GALM: variants seen among roughly 807,000 people sequenced by gnomAD.
The protein encoded by GALM is aldose 1-epimerase.
A neutral mutation model predicts 37.4 loss-of-function variants in GALM; 43 were observed. The observed-to-expected ratio is 1.15, with a 90% CI of 0.90 to 1.48. The LOEUF is 1.48. Among genes scored for constraint, GALM ranks in the 40% most tolerant of loss-of-function variants. GALM has a pLI of 0.00. For synonymous variants in GALM, 199 were observed against 170.6 expected (o/e 1.17, Z -1.30); for missense variants, 456 against 419.1 (o/e 1.09, Z -0.77).
intron 1 of GALM, among the ~76,000 whole-genome samples, chr2:38,672,000 A>G (rs927436514): frequency 6.6e-6 from 1 of 151,786 alleles, no homozygotes; most frequent in African/African-American, 2.4e-5. Context: ...AAACAAAAAC[A>G]AAAACAAAAA....
Position 38,695,108 on chromosome 2 carries a change from G to GA in GALM, c.634+5219dup, listed in dbSNP as rs543095953. The stretch of plus-strand genomic sequence containing the variant: ...TTGGTCATCTCTGTTGAAAATGATA[G>GA]AAAAATCACCTTCGGTAGAAAATTT... On this transcript the variant is annotated intron_variant, in intron 4 of 6. Transcript: ENST00000272252. Among the ~76,000 whole-genome samples, 90 of 151,976 alleles carry GA rather than the reference G, an allele frequency of 5.9e-4. 1 individual carries two copies. The South Asian group carries it at 0.017, about 30-fold the overall frequency.
intron 2 of GALM, chr2:38,679,993 C>A: frequency 2.2e-6 from 1 of 450,412 alleles, no homozygotes; most frequent in Non-Finnish European, 4.4e-6. Flanking sequence ...ATTCCTATTT[C>A]CAAAAGCAAA....
At chr2:38,681,527 G>C in intron 3 of GALM, 41 bp downstream of exon 3, 1 of 1,503,054 alleles carries the variant, frequency 6.7e-7, no homozygotes, top group South Asian at 1.1e-5. Context: ...CGTGCTTTGT[G>C]GAATGTCCTG....
intron 4 of GALM, among the ~76,000 whole-genome samples, chr2:38,727,052 C>CA (rs975075614): frequency 1.3e-5 from 2 of 151,736 alleles, no homozygotes; most frequent in Admixed American, 1.3e-4. Flanking sequence ...CCCGTCTCTA[C>CA]AAAAAATACA....
intron 4 of GALM, among the ~76,000 whole-genome samples, chr2:38,711,835 A>G (rs1467446446): frequency 7.9e-6 from 1 of 126,784 alleles, no homozygotes; most frequent in Non-Finnish European, 1.9e-5. Flanking sequence ...CACCACCATC[A>G]TCACCATCAT....
intron 4 of GALM, among the ~76,000 whole-genome samples, chr2:38,713,150 A>T (rs540672156): frequency 9.9e-5 from 15 of 152,276 alleles, no homozygotes; most frequent in African/African-American, 3.1e-4. Flanking sequence ...GGGCTCCCTA[A>T]TCACACCATT....
intron 1 of GALM, among the ~76,000 whole-genome samples, chr2:38,667,138 A>T (rs1432980092): frequency 6.6e-6 from 1 of 152,180 alleles, no homozygotes; most frequent in African/African-American, 2.4e-5. Context: ...AGCAAAGGAA[A>T]ATGTACATCA....
At chr2:38,694,629 G>T (rs1665757516) in intron 4 of GALM, among the ~76,000 whole-genome samples, 1 of 152,150 alleles carries the variant, frequency 6.6e-6, no homozygotes, top group South Asian at 2.1e-4. Flanking sequence ...GGGCGCAGTG[G>T]CTCAAGCCTG....
intron 4 of GALM, among the ~76,000 whole-genome samples, chr2:38,709,518 AG>A (rs1666108146): frequency 6.6e-6 from 1 of 151,960 alleles, no homozygotes; most frequent in African/African-American, 2.4e-5. Context: ...CCCCGTTGCA[AG>A]TCAAGGTAAA....
chr2:38,684,371 T>A (rs1206695485), intron 3 of GALM, among the ~76,000 whole-genome samples: 2 of 152,290 alleles, frequency 1.3e-5, no homozygotes, highest in South Asian at 2.1e-4. Flanking sequence ...ACTTTTTTTT[T>A]ATTGAAACTT....
intron 4 of GALM, among the ~76,000 whole-genome samples, chr2:38,707,811 A>T (rs952583756): frequency 1.3e-5 from 2 of 152,056 alleles, no homozygotes; most frequent in African/African-American, 2.4e-5. Context: ...CTACAAAAAA[A>T]ATATAAAAAT....
chr2:38,699,312 G>A (rs1665871298), intron 4 of GALM, among the ~76,000 whole-genome samples: 1 of 152,166 alleles, frequency 6.6e-6, no homozygotes, highest in Admixed American at 6.5e-5. Context: ...GGGATATTTT[G>A]ATACATGTTT....
chr2:38,667,073 T>C (rs1376818674), intron 1 of GALM, among the ~76,000 whole-genome samples: 1 of 152,186 alleles, frequency 6.6e-6, no homozygotes, highest in Admixed American at 6.5e-5. Flanking sequence ...GCTGGGGAGA[T>C]AGACTTTAAC....
chr2:38,724,635 T>A (rs1234038022), intron 4 of GALM, among the ~76,000 whole-genome samples: 2 of 152,196 alleles, frequency 1.3e-5, no homozygotes, highest in South Asian at 2.1e-4. Context: ...TTTTTTCTTC[T>A]CATTTACCAA....
intron 4 of GALM, among the ~76,000 whole-genome samples, chr2:38,707,998 T>C (rs1666075077): frequency 6.6e-6 from 1 of 151,904 alleles, no homozygotes; most frequent in East Asian, 1.9e-4. Context: ...TCCAAGCTGC[T>C]CGGTAGGCTA....
chr2:38,680,469 G>C (rs1572514810), intron 2 of GALM, among the ~76,000 whole-genome samples: 1 of 152,116 alleles, frequency 6.6e-6, no homozygotes, highest in African/African-American at 2.4e-5. Context: ...GTCACACAAT[G>C]AGCTAGGGAC....
At chr2:38,697,193 T>TC (rs1665830192) in intron 4 of GALM, among the ~76,000 whole-genome samples, 1 of 152,170 alleles carries the variant, frequency 6.6e-6, no homozygotes, top group Non-Finnish European at 1.5e-5. Context: ...TTAGGGAAAC[T>TC]TAGGGTAAAT....
chr2:38,672,440 A>C (rs969023261), intron 1 of GALM, among the ~76,000 whole-genome samples: 13 of 152,212 alleles, frequency 8.5e-5, no homozygotes, highest in Admixed American at 6.5e-4. Context: ...CAGAAAGAGA[A>C]GAAGGTGGGG....
At chr2:38,689,712 G>GT (rs1350048452) in intron 3 of GALM, 101 bp from the exon 4 acceptor site, 2 of 701,224 alleles carry the variant, frequency 2.9e-6, no homozygotes, top group Non-Finnish European at 4.9e-6. Context: ...GATTTTAAAA[G>GT]TTTTTGTCAA....
Sources: gnomAD v4.1 joint callset for allele counts (sites outside exome capture counted in the v4.1 genomes callset) on GRCh38, gnomAD v4.1.1 for gene constraint, MANE v1.5 for transcripts, NCBI Gene and HGNC (gene_info 2026-07-23, HGNC 2026-07-21) for gene names.